The following DDX54 variants were observed in gnomAD, a reference collection of about 807,000 sequenced individuals.
The protein encoded by DDX54 is DEAD-box helicase 54, also known as ATP-dependent RNA helicase DDX54.
DDX54 carries 67 observed loss-of-function variants against 105.5 expected under a neutral mutation model. That is an observed-to-expected ratio of 0.64 (90% CI 0.52 to 0.78). DDX54 has a LOEUF of 0.78. Ranked by LOEUF, DDX54 falls within the 30% of genes least tolerant of loss-of-function variation. The pLI is 0.00. For missense variants in DDX54, 1,206 were observed against 1,230.5 expected (o/e 0.98, Z 0.30); for synonymous variants, 514 against 509.9 (o/e 1.01, Z -0.11).
intron 18 of DDX54, 196 bp from the exon 19 acceptor site, chr12:113,161,578 C>T: frequency 1.7e-6 from 1 of 581,480 alleles, no homozygotes; most frequent in Non-Finnish European, 3.0e-6. Flanking sequence ...CACCAGGTCC[C>T]ACTTATTGGA....
intron 1 of DDX54, among the ~76,000 whole-genome samples, chr12:113,184,796 G>A (rs1952507028): frequency 6.6e-6 from 1 of 152,132 alleles, no homozygotes; most frequent in Admixed American, 6.5e-5. Context: ...ACTGCACTCC[G>A]GCATGAGCAA....
chr12:113,170,618 A>G (rs1381320554), intron 11 of DDX54, among the ~76,000 whole-genome samples: 1 of 152,184 alleles, frequency 6.6e-6, no homozygotes, highest in Non-Finnish European at 1.5e-5. Flanking sequence ...GAGCCCAAGC[A>G]ACAGAGTGAG....
chr12:113,166,163 G>C lies in DDX54; in HGVS notation c.1415-131C>G. The C allele has an allele frequency of 3.4e-6, 3 of 871,018 alleles. No homozygotes were observed. In the East Asian group the frequency reaches 8.0e-5, roughly 23 times the overall value. The allele number at this position is 871,018 out of a possible 1,614,324, so 54.0% of individuals were successfully genotyped here. A position where few individuals can be genotyped will look rare whatever the true frequency, so the allele number is the denominator to read the frequency against. On this transcript the variant is annotated intron_variant, in intron 12 of 19. Coordinates refer to ENST00000306014, the MANE Select transcript of DDX54 (RefSeq NM_024072.4). ...ATGGCTACAAAATAATCACTGCAAAGAACACCAGCACTCAGGGAGGAGCTA... is the reference window on the plus strand; with the variant it reads ...ATGGCTACAAAATAATCACTGCAAACAACACCAGCACTCAGGGAGGAGCTA...
In DDX54 at chr12:113,172,372, TTTGCCC is replaced by T; in HGVS notation, c.1254_1259del (p.Gly419_Lys420del). On this transcript the variant is annotated inframe_deletion, in exon 11 of 20. Coordinates refer to ENST00000306014, the MANE Select transcript of DDX54 (RefSeq NM_024072.4). Reference sequence around the variant, plus strand: ...GCTTACCCACGCGGTGCAGGAAGAGTTTGCCCTTGGCGGGGAAGCTGTAGTTGATGA... The same window carrying T: ...GCTTACCCACGCGGTGCAGGAAGAGTTTGGCGGGGAAGCTGTAGTTGATGA... 1 of 1,613,818 alleles carries T rather than the reference TTTGCCC, an allele frequency of 6.2e-7. No individual in the cohort carries two copies. Among genetic ancestry groups the T allele is most frequent in the Non-Finnish European group, 8.5e-7 (1 of 1,179,938 alleles).
At chr12:113,160,141 C>T (rs1952185950) in intron 19 of DDX54, among the ~76,000 whole-genome samples, 1 of 152,200 alleles carries the variant, frequency 6.6e-6, no homozygotes. Context: ...GGGTGGTCCC[C>T]ACCCAGCCAT....
Position 113,157,494 on chromosome 12 carries a change from G to A in DDX54, c.*1383C>T, listed in dbSNP as rs1952142883. 2.5e-6 allele frequency: 2 copies of A among 808,632 alleles called. No homozygotes were observed. Among genetic ancestry groups the A allele is most frequent in the Admixed American group, 4.3e-5 (2 of 46,158 alleles). 50.1% of individuals were successfully genotyped at this position (808,632 alleles called of 1,614,324 possible). On this transcript the variant is annotated 3_prime_UTR_variant, in exon 20 of 20. Transcript: ENST00000306014. Reference sequence around the variant, plus strand: ...CCATCATCACTGTTCTTTTAATGAGGGGATCTCCAGTCCCCGCCCTACCTT... The same window carrying A: ...CCATCATCACTGTTCTTTTAATGAGAGGATCTCCAGTCCCCGCCCTACCTT...
Position 113,159,084 on chromosome 12 carries a change from G to A in DDX54, c.2439C>T (p.Gly813=), listed in dbSNP as rs1365416852. The A allele has an allele frequency of 1.2e-5, 20 of 1,605,424 alleles. No individual in the cohort carries two copies. The Middle Eastern group carries it at 6.7e-4, about 54-fold the overall frequency. Residue 813 remains glycine (G), a synonymous_variant, in exon 20 of 20, where the codon GGC becomes GGT. Transcript: ENST00000306014. The stretch of plus-strand genomic sequence containing the variant: ...CCGGGCGGACTCGGCCTGCAGGGGT[G>A]CCTGGGGCGTGGGGCCGGGATGCAC... ...GQGASRPHAP[G]TPAGRVRPEL...
Position 113,181,164 on chromosome 12 carries a change from G to A in DDX54, c.175-106C>T, listed in dbSNP as rs1013884253. ...CCCTCTCTCCCCCATTCAAGCCAAT[G>A]ATGCTTCCGCCAGATCACGTCACTT... On this transcript the variant is annotated intron_variant, in intron 1 of 19. Transcript: ENST00000306014. 5.9e-6 allele frequency: 8 copies of A among 1,364,386 alleles called. No individual in the cohort carries two copies. The African/African-American group carries it at 1.2e-4, about 21-fold the overall frequency. The allele number at this position is 1,364,386 out of a possible 1,614,324, so 84.5% of individuals were successfully genotyped here.
intron 1 of DDX54, 33 bp from the exon 2 acceptor site, chr12:113,181,091 CCAGGCACAGTGGGACCA>C (rs1176331949): frequency 1.3e-6 from 2 of 1,598,630 alleles, no homozygotes; most frequent in African/African-American, 2.7e-5. Context: ...TGGTGTCACT[CCAGGCACAGTGGGACCA>C]CAGGGGGCAG....
At chr12:113,167,882 G>A (rs1322358742) in intron 12 of DDX54, 3 of 474,390 alleles carry the variant, frequency 6.3e-6, no homozygotes, top group Non-Finnish European at 8.2e-6. Flanking sequence ...CTGGGCGCAG[G>A]GTCCATTTCC....
chr12:113,175,089 G>C lies in DDX54; in HGVS notation c.821C>G (p.Thr274Arg). The C allele has an allele frequency of 6.2e-7, 1 of 1,613,876 alleles. No homozygotes were observed. ...IIARLPGGHQTVLFSATLPKL... is the reference protein window; with the variant it reads ...IIARLPGGHQRVLFSATLPKL... ...GGGCAGCGTGGCGGAGAACAGCACC[G>C]TCTGGTGGCCCCCGGGGAGGCGGGC... Residue 274 changes from threonine (T) to arginine (R), a missense_variant, in exon 8 of 20, where the codon ACG becomes AGG. By Grantham distance (71) the Thr-to-Arg change is moderately conservative. Around this residue, in one of 3 missense-constraint regions of DDX54, gnomAD observed 961 missense variants for 1,019.1 expected, o/e 0.94. Transcript: ENST00000306014.
chr12:113,177,028 G>C, intron 6 of DDX54, 24 bp downstream of exon 6: 1 of 1,614,066 alleles, frequency 6.2e-7, no homozygotes, highest in Non-Finnish European at 8.5e-7. Flanking sequence ...ATCTCAGGGA[G>C]TCATCCCCAA....
chr12:113,176,890 C>T lies in DDX54; in HGVS notation c.702G>A (p.Met234Ile). 1 of 1,614,236 alleles carries T rather than the reference C, an allele frequency of 6.2e-7. No individual in the cohort carries two copies. Among genetic ancestry groups the T allele is most frequent in the Non-Finnish European group, 8.5e-7 (1 of 1,180,048 alleles). The change falls in exon 7 of 20, where the codon ATG becomes ATA. Residue 234 changes from methionine (M) to isoleucine (I), a missense_variant. By Grantham distance (10) the Met-to-Ile change is conservative. This residue lies in a region of DDX54 where 961 missense variants were observed against 1,019.1 expected (regional missense o/e 0.94). Coordinates refer to ENST00000306014, the MANE Select transcript of DDX54 (RefSeq NM_024072.4). ...ATTCCACACTCTGCAGCTTCAGGCTCATTTCCACAGCCACATGCACCAACC... is the reference window on the plus strand; with the variant it reads ...ATTCCACACTCTGCAGCTTCAGGCTTATTTCCACAGCCACATGCACCAACC... ...PGRLVHVAVE[M>I]SLKLQSVEYV...
rs146207748 is a variant in DDX54, at chr12:113,173,545, G to A, written c.1069-982C>T. On this transcript the variant is annotated intron_variant, in intron 10 of 19. Transcript: ENST00000306014. Reference sequence around the variant, plus strand: ...CGGAAAGGGGCCCCACTGCCTTCTGGGGCACAGCGACTCCCCAGGCTTTGA... The same window carrying A: ...CGGAAAGGGGCCCCACTGCCTTCTGAGGCACAGCGACTCCCCAGGCTTTGA... 6.1e-3 allele frequency among the ~76,000 whole-genome samples: 923 copies of A among 152,222 alleles called. 1 individual carries two copies. The highest frequency in any genetic ancestry group is 0.01 in the Middle Eastern group (3 of 294).
Position 113,159,082 on chromosome 12 carries a change from G to C in DDX54, c.2441C>G (p.Thr814Ser), listed in dbSNP as rs751209984. 5 of 1,606,288 alleles carry C rather than the reference G, an allele frequency of 3.1e-6. No homozygotes were observed. The East Asian group carries it at 1.1e-4, about 36-fold the overall frequency. The change falls in exon 20 of 20, where the codon ACC becomes AGC. Residue 814 changes from threonine to serine, a missense_variant. This residue lies in a region of DDX54 where 961 missense variants were observed against 1,019.1 expected (regional missense o/e 0.94). Transcript: ENST00000306014. ...TTCCGGGCGGACTCGGCCTGCAGGG[G>C]TGCCTGGGGCGTGGGGCCGGGATGC... is the stretch of plus-strand genomic sequence containing the variant. ...QGASRPHAPGTPAGRVRPELK... is the reference protein window; with the variant it reads ...QGASRPHAPGSPAGRVRPELK...
intron 1 of DDX54, among the ~76,000 whole-genome samples, chr12:113,183,515 G>A (rs181135279): frequency 1.9e-4 from 29 of 152,350 alleles, no homozygotes; most frequent in Admixed American, 3.9e-4. Context: ...TCATATAAAT[G>A]TCCACTTACT....
At position 113,158,664 on chromosome 12, in the gene DDX54, C is replaced by T. The variant is rs1952166097; in HGVS notation, c.*213G>A. ...CTGGCTTTGCTGGCGAACTCCTGCA[C>T]ACCCTTCAAGGCCCTGTTCAAATGT... On this transcript the variant is annotated 3_prime_UTR_variant, in exon 20 of 20. Coordinates refer to ENST00000306014, the MANE Select transcript of DDX54 (RefSeq NM_024072.4). The surrounding 1 kb of genome is among the most constrained non-coding windows in gnomAD (Gnocchi z 4.9). The T allele has an allele frequency of 1.8e-6, 1 of 564,428 alleles. No homozygotes were observed. The highest frequency in any genetic ancestry group is 2.9e-6 in the Non-Finnish European group (1 of 339,746). The allele number at this position is 564,428 out of a possible 1,614,324, so 35.0% of individuals were successfully genotyped here.
At chr12:113,172,960 T>G (rs201749626) in intron 10 of DDX54, among the ~76,000 whole-genome samples, 4,326 of 152,278 alleles carry the variant, frequency 0.028, 117 homozygotes, top group African/African-American at 0.07. Flanking sequence ...TGTGCCTTAT[T>G]ATGAGGATCA....
chr12:113,159,237 T>G, intron 19 of DDX54, 128 bp from the exon 20 acceptor site: 2 of 1,044,810 alleles, frequency 1.9e-6, no homozygotes, highest in South Asian at 3.4e-5. Context: ...GCCCAGTGTC[T>G]GTACACAGTA....
Sources: allele counts gnomAD v4.1 joint callset (sites outside exome capture counted in the v4.1 genomes callset), GRCh38; gene constraint gnomAD v4.1.1; regional missense constraint gnomAD v4.1.1; non-coding constraint Gnocchi (gnomAD v3.1); transcripts MANE v1.5; gene names NCBI Gene and HGNC (gene_info 2026-07-23, HGNC 2026-07-21).